The following TAFA4 variants were observed in gnomAD, a reference collection of about 807,000 sequenced individuals.
TAFA4 encodes the protein TAFA chemokine like family member 4.
In TAFA4, 20 loss-of-function variants were observed where a neutral mutation model predicts 21.1. That is an observed-to-expected ratio of 0.95 (90% confidence interval 0.67 to 1.38). TAFA4 has a LOEUF of 1.38. Ranked by LOEUF, TAFA4 falls within the 40% of genes most tolerant of loss-of-function variation. TAFA4 has a pLI of 0.00. For missense variants in TAFA4, 211 were observed against 180.9 expected, an observed-to-expected ratio of 1.17 and a Z score of -0.95; for synonymous variants, 71 against 67.4, an observed-to-expected ratio of 1.05 and a Z score of -0.26.
At chr3:68,796,541 T>G (rs1703457234) in intron 3 of TAFA4, among the ~76,000 whole-genome samples, 1 of 152,116 alleles carries the variant, frequency 6.6e-6, no homozygotes, top group South Asian at 2.1e-4. Context: ...CTATAAACTC[T>G]TAGAAGAAAC....
At chr3:68,809,223 T>C (rs76426536) in intron 3 of TAFA4, among the ~76,000 whole-genome samples, 2,232 of 152,318 alleles carry the variant, frequency 0.015, 50 homozygotes, top group African/African-American at 0.05. Context: ...AATATGATGA[T>C]AGAAGTGAGC....
At chr3:68,858,348 T>A (rs1337970227) in intron 3 of TAFA4, among the ~76,000 whole-genome samples, 2 of 152,110 alleles carry the variant, frequency 1.3e-5, no homozygotes, top group Non-Finnish European at 2.9e-5. Flanking sequence ...CTTTTGTAGT[T>A]ATTAATGCTG....
At chr3:68,905,084 C>T (rs1209148593) in intron 1 of TAFA4, among the ~76,000 whole-genome samples, 1 of 151,216 alleles carries the variant, frequency 6.6e-6, no homozygotes, top group Non-Finnish European at 1.5e-5. Flanking sequence ...TGAGCCCCAA[C>T]TATGTGCTAC....
intron 3 of TAFA4, among the ~76,000 whole-genome samples, chr3:68,834,653 A>C (rs1401142670): frequency 6.6e-6 from 1 of 151,372 alleles, no homozygotes; most frequent in Non-Finnish European, 1.5e-5. Flanking sequence ...CCTCCCATAC[A>C]CCTCCTCATC....
At chr3:68,786,069 G>A (rs1249671669) in intron 3 of TAFA4, among the ~76,000 whole-genome samples, 1 of 152,182 alleles carries the variant, frequency 6.6e-6, no homozygotes, top group Non-Finnish European at 1.5e-5. Flanking sequence ...AATGCAGGAA[G>A]GTGATCTATA....
At chr3:68,836,647 T>C (rs116795877) in intron 3 of TAFA4, among the ~76,000 whole-genome samples, 2,571 of 152,306 alleles carry the variant, frequency 0.017, 81 homozygotes, top group African/African-American at 0.059. Context: ...CAGAGAGAAC[T>C]AAACATAAAA....
In TAFA4 at chr3:68,732,920, T is replaced by A; in HGVS notation, c.*222A>T. ...GCTCCTTGGGAATCCAGAGAGGATG[T>A]CAAATGGGTGGTGGCTTGTGGTTAT... On this transcript the variant is annotated 3_prime_UTR_variant, in exon 6 of 6. Transcript: ENST00000295569. 1.8e-6 allele frequency: 1 copy of A among 547,056 alleles called. No homozygotes were observed. The highest frequency in any genetic ancestry group is 3.2e-6 in the Non-Finnish European group (1 of 312,848). 33.9% of individuals were successfully genotyped at this position (547,056 alleles called of 1,614,324 possible). A position where few individuals can be genotyped will look rare whatever the true frequency, so the allele number is the denominator to read the frequency against.
intron 3 of TAFA4, among the ~76,000 whole-genome samples, chr3:68,834,172 A>C (rs1451945393): frequency 2.6e-5 from 4 of 152,188 alleles, no homozygotes; most frequent in Non-Finnish European, 5.9e-5. Flanking sequence ...GATCCCTTTT[A>C]GGGTCTGCCT....
At chr3:68,892,659 T>C (rs1244890487) in intron 1 of TAFA4, among the ~76,000 whole-genome samples, 1 of 152,232 alleles carries the variant, frequency 6.6e-6, no homozygotes, top group Non-Finnish European at 1.5e-5. Context: ...AGACATGCTA[T>C]GTTTATATAT....
At chr3:68,807,960 C>CT (rs1703740082) in intron 3 of TAFA4, among the ~76,000 whole-genome samples, 1 of 152,098 alleles carries the variant, frequency 6.6e-6, no homozygotes, top group South Asian at 2.1e-4. Context: ...TATGTGTCTT[C>CT]TTTTGTGTCT....
At chr3:68,842,880 T>C (rs1704695468) in intron 3 of TAFA4, among the ~76,000 whole-genome samples, 3 of 152,198 alleles carry the variant, frequency 2.0e-5, no homozygotes. Context: ...CTCTGTTCTG[T>C]TTCATTGGTC....
intron 5 of TAFA4, among the ~76,000 whole-genome samples, chr3:68,737,825 G>A (rs1228754237): frequency 1.3e-5 from 2 of 152,132 alleles, no homozygotes; most frequent in South Asian, 2.1e-4. Flanking sequence ...GCCATTCACT[G>A]TATGTACTTC....
In TAFA4 at chr3:68,904,068, A is replaced by G. The variant is rs1027247820; in HGVS notation, c.-122-18758T>C. On this transcript the variant is annotated intron_variant, in intron 1 of 5. Coordinates refer to ENST00000295569, the MANE Select transcript of TAFA4 (RefSeq NM_182522.5). The stretch of plus-strand genomic sequence containing the variant: ...TGCAGAATGGTTTTTAGAAAGTTAA[A>G]AAAAAAAAAAAAACAATTTGCCATG... 5.0e-4 allele frequency among the ~76,000 whole-genome samples: 73 copies of G among 145,998 alleles called. 1 individual carries two copies. Among genetic ancestry groups the G allele is most frequent in the African/African-American group, 1.6e-3 (65 of 39,594 alleles).
chr3:68,898,248 C>T (rs1001133425), intron 1 of TAFA4, among the ~76,000 whole-genome samples: 4 of 152,128 alleles, frequency 2.6e-5, no homozygotes, highest in African/African-American at 4.8e-5. Flanking sequence ...TCCAAGAATC[C>T]GGAAAAGTTT....
intron 3 of TAFA4, among the ~76,000 whole-genome samples, chr3:68,799,184 T>G (rs533436839): frequency 1.3e-5 from 2 of 152,322 alleles, no homozygotes; most frequent in East Asian, 3.9e-4. Context: ...CTTAGTCCAT[T>G]CAGGCTGCTG....
chr3:68,899,404 T>C (rs2089823052), intron 1 of TAFA4, among the ~76,000 whole-genome samples: 1 of 152,182 alleles, frequency 6.6e-6, no homozygotes, highest in Non-Finnish European at 1.5e-5. Context: ...CCTGGATTTT[T>C]TTTTTTCTTC....
intron 4 of TAFA4, among the ~76,000 whole-genome samples, chr3:68,744,012 G>T (rs112092919): frequency 0.015 from 2,359 of 152,282 alleles, 67 homozygotes; most frequent in African/African-American, 0.054. Flanking sequence ...AATACCATCT[G>T]CAGGACTAGA....
At chr3:68,740,505 T>C (rs554648856) in intron 4 of TAFA4, among the ~76,000 whole-genome samples, 14 of 152,298 alleles carry the variant, frequency 9.2e-5, no homozygotes, top group Middle Eastern at 3.4e-3. Flanking sequence ...TGGAAAAATA[T>C]CAATTCAGCT....
chr3:68,874,452 C>T (rs1032841592), intron 3 of TAFA4, among the ~76,000 whole-genome samples: 1 of 151,994 alleles, frequency 6.6e-6, no homozygotes, highest in Non-Finnish European at 1.5e-5. Context: ...TTTTATTTTC[C>T]TTATAGGGAA....
Sources: allele counts gnomAD v4.1 joint callset (sites outside exome capture counted in the v4.1 genomes callset), GRCh38; gene constraint gnomAD v4.1.1; transcripts MANE v1.5; gene names NCBI Gene and HGNC (gene_info 2026-07-23, HGNC 2026-07-21).